SPTLC3: variants seen among roughly 807,000 people sequenced by gnomAD.
The protein encoded by SPTLC3 is serine palmitoyltransferase long chain base subunit 3.
A neutral mutation model predicts 59.3 loss-of-function variants in SPTLC3; 36 were observed. That is an observed-to-expected ratio of 0.61 (90% CI 0.47 to 0.80). The LOEUF (loss-of-function observed/expected upper bound fraction) is 0.80, where lower values mean the gene tolerates loss of function less well. Among genes scored for constraint, SPTLC3 ranks in the 30% least tolerant of loss-of-function variants. SPTLC3 has a pLI of 0.00. For synonymous variants in SPTLC3, 257 were observed against 240.8 expected (o/e 1.07, Z -0.62); for missense variants, 625 against 685.1 (o/e 0.91, Z 0.98).
chr20:13,040,169 T>C (rs897137036), intron 1 of SPTLC3, among the ~76,000 whole-genome samples: 2 of 152,104 alleles, frequency 1.3e-5, no homozygotes, highest in Non-Finnish European at 2.9e-5. Context: ...CATTAGTTGC[T>C]GTGGACTCTA....
At chr20:13,071,492 C>T (rs1299946767) in intron 2 of SPTLC3, among the ~76,000 whole-genome samples, 1 of 151,982 alleles carries the variant, frequency 6.6e-6, no homozygotes, top group Non-Finnish European at 1.5e-5. Context: ...GAACTAACTC[C>T]AAGAACAGTT....
chr20:13,087,457 G>C (rs1227239061), intron 4 of SPTLC3, among the ~76,000 whole-genome samples: 1 of 152,234 alleles, frequency 6.6e-6, no homozygotes, highest in Non-Finnish European at 1.5e-5. Flanking sequence ...CTAGGAATCA[G>C]TGTCTTCAAG....
intron 9 of SPTLC3, among the ~76,000 whole-genome samples, chr20:13,146,920 C>T (rs992337301): frequency 6.6e-6 from 1 of 152,252 alleles, no homozygotes; most frequent in African/African-American, 2.4e-5. Flanking sequence ...CCTTCATGAT[C>T]TCCAAGCCTC....
rs552098864 is a variant in SPTLC3 at position 13,110,147 on chromosome 20, G to A, written c.862G>A (p.Val288Ile). 1.2e-5 allele frequency: 19 copies of A among 1,613,552 alleles called. No homozygotes were observed. The East Asian group carries it at 3.8e-4, about 32-fold the overall frequency. ...CCTAGAGAAGCTCCTGAGAGATGCT[G>A]TCATCTATGGCCAGCCTCGAACCCG... Reference protein sequence around the residue: ...QSLEKLLRDAVIYGQPRTRRA... With the variant: ...QSLEKLLRDAIIYGQPRTRRA... Residue 288 changes from valine (V) to isoleucine (I), a missense_variant, in exon 7 of 12, where the codon GTC becomes ATC. Coordinates refer to ENST00000399002, the MANE Select transcript of SPTLC3 (RefSeq NM_018327.4).
In SPTLC3 at chr20:13,165,007, G is replaced by C. The variant is rs547182291; in HGVS notation, c.*140G>C. 3 of 628,984 alleles carry C rather than the reference G, an allele frequency of 4.8e-6. No homozygotes were observed. The highest frequency in any genetic ancestry group is 1.8e-5 in the African/African-American group (1 of 54,078). 39.0% of individuals were successfully genotyped at this position (628,984 alleles called of 1,614,324 possible). ...CCAGCTTGATTGAACTGAGGGAGAC[G>C]TTGTTGTTTTTAATGTCTCCAGCTT... On this transcript the variant is annotated 3_prime_UTR_variant, in exon 12 of 12. Coordinates refer to ENST00000399002, the MANE Select transcript of SPTLC3 (RefSeq NM_018327.4).
intron 1 of SPTLC3, among the ~76,000 whole-genome samples, chr20:13,029,839 C>T (rs1289740905): frequency 6.6e-6 from 1 of 152,090 alleles, no homozygotes; most frequent in East Asian, 1.9e-4. Flanking sequence ...CAGCCACACA[C>T]CAATTCCTAA....
At chr20:13,026,644 T>C (rs150771258) in intron 1 of SPTLC3, among the ~76,000 whole-genome samples, 1 of 152,264 alleles carries the variant, frequency 6.6e-6, no homozygotes, top group East Asian at 1.9e-4. Flanking sequence ...TAGTAGAGTA[T>C]AATAATATTA....
intron 7 of SPTLC3, among the ~76,000 whole-genome samples, chr20:13,111,319 C>T (rs565578237): frequency 4.7e-4 from 71 of 152,250 alleles, no homozygotes; most frequent in African/African-American, 1.6e-3. Flanking sequence ...TGGGAGCACT[C>T]TAGACATAGT....
chr20:13,086,356 G>C (rs960253145), intron 4 of SPTLC3, among the ~76,000 whole-genome samples: 1 of 152,136 alleles, frequency 6.6e-6, no homozygotes. Context: ...TTAAAAGGAA[G>C]ATTTTTCATT....
At chr20:13,091,337 G>T (rs1989209266) in intron 5 of SPTLC3, 130 bp downstream of exon 5, 1 of 1,169,072 alleles carries the variant, frequency 8.6e-7, no homozygotes, top group Non-Finnish European at 1.2e-6. Context: ...CACTTTGGGA[G>T]CCCAAGGCGG....
At chr20:13,097,638 G>C (rs964532429) in intron 6 of SPTLC3, among the ~76,000 whole-genome samples, 2 of 152,118 alleles carry the variant, frequency 1.3e-5, no homozygotes, top group African/African-American at 4.8e-5. Flanking sequence ...TGGACCCTGT[G>C]TGTCTCCAGA....
intron 4 of SPTLC3, among the ~76,000 whole-genome samples, chr20:13,090,073 T>C (rs1989161475): frequency 6.6e-6 from 1 of 152,220 alleles, no homozygotes; most frequent in Non-Finnish European, 1.5e-5. Context: ...GGCTACCATA[T>C]AGGACTGTGC....
chr20:13,043,675 C>G (rs186284081), intron 1 of SPTLC3, among the ~76,000 whole-genome samples: 1 of 152,264 alleles, frequency 6.6e-6, no homozygotes, highest in East Asian at 1.9e-4. Flanking sequence ...TACAATTATG[C>G]TTAATCTATT....
intron 2 of SPTLC3, among the ~76,000 whole-genome samples, chr20:13,057,672 T>G (rs1987785223): frequency 6.6e-6 from 1 of 152,166 alleles, no homozygotes; most frequent in South Asian, 2.1e-4. Context: ...CAAGTTAGAC[T>G]CCACTAACAA....
chr20:13,127,840 G>T (rs2122802386), intron 9 of SPTLC3, among the ~76,000 whole-genome samples: 1 of 152,278 alleles, frequency 6.6e-6, no homozygotes, highest in Non-Finnish European at 1.5e-5. Context: ...TTCCAGGCTT[G>T]CCTTTTCGGT....
At chr20:13,110,048 GAA>G in intron 6 of SPTLC3, 62 bp from the exon 7 acceptor site, 2 of 1,393,910 alleles carry the variant, frequency 1.4e-6, no homozygotes, top group Non-Finnish European at 2.0e-6. Flanking sequence ...TCTGGAAAAA[GAA>G]AGTGGAAAAG....
chr20:13,013,300 G>C (rs1985352316), intron 1 of SPTLC3, among the ~76,000 whole-genome samples: 1 of 152,176 alleles, frequency 6.6e-6, no homozygotes. Context: ...ACTTCTTCTA[G>C]AGAATAAGAG....
intron 9 of SPTLC3, among the ~76,000 whole-genome samples, chr20:13,127,953 G>T (rs913122141): frequency 1.3e-5 from 2 of 152,172 alleles, no homozygotes; most frequent in Admixed American, 6.5e-5. Context: ...GCCTGAATCT[G>T]CTCCTGTGAT....
At chr20:13,058,871 T>C (rs937484137) in intron 2 of SPTLC3, among the ~76,000 whole-genome samples, 5 of 152,156 alleles carry the variant, frequency 3.3e-5, no homozygotes, top group African/African-American at 1.2e-4. Context: ...CCCAATAAGT[T>C]GACAGACATG....
Sources: gnomAD v4.1 joint callset for allele counts (sites outside exome capture counted in the v4.1 genomes callset) on GRCh38, gnomAD v4.1.1 for gene constraint, MANE v1.5 for transcripts, NCBI Gene and HGNC (gene_info 2026-07-23, HGNC 2026-07-21) for gene names.